The following TTLL11 variants were observed in gnomAD, a reference collection of about 807,000 sequenced individuals.
TTLL11 encodes the protein tubulin tyrosine ligase like 11.
A neutral mutation model predicts 51.7 loss-of-function variants in TTLL11; 42 were observed. The ratio of observed to expected loss-of-function variants is 0.81; its 90% CI spans 0.64 to 1.05. TTLL11 has a LOEUF of 1.05. Among genes scored for constraint, TTLL11 ranks in the 50% least tolerant of loss-of-function variants. The probability of loss-of-function intolerance (pLI) is 0.00; values close to 1 mark genes in which losing one functional copy is unlikely to be tolerated. For synonymous variants in TTLL11, 381 were observed against 383.5 expected, an observed-to-expected ratio of 0.99 and a Z score of 0.08; for missense variants, 799 against 940.4, an observed-to-expected ratio of 0.85 and a Z score of 1.97.
chr9:122,044,515 CA>C (rs746469755), intron 1 of TTLL11, among the ~76,000 whole-genome samples: 1 of 152,202 alleles, frequency 6.6e-6, no homozygotes, highest in Admixed American at 6.5e-5. Flanking sequence ...TCCTCTCTAG[CA>C]CCGGTTGTTT....
Position 121,899,378 on chromosome 9 carries a change from C to CATACAT in TTLL11, c.1482-28631_1482-28630insATGTAT, listed in dbSNP as rs768607608. Among the ~76,000 whole-genome samples the CATACAT allele has an allele frequency of 1.2e-3, 158 of 130,454 alleles. No homozygotes were observed. The Middle Eastern group carries it at 0.013, about 10-fold the overall frequency. The allele number at this position is 130,454 out of a possible 152,430, so 85.6% of individuals were successfully genotyped here. A position where few individuals can be genotyped will look rare whatever the true frequency, so the allele number is the denominator to read the frequency against. ...GTATGTGTGTGTGTATATATATATACATATATATATATATATATATATATA... is the reference window on the plus strand; with the variant it reads ...GTATGTGTGTGTGTATATATATATACATACATATATATATATATATATATATATATA... On this transcript the variant is annotated intron_variant, in intron 6 of 8. Transcript: ENST00000321582.
intron 6 of TTLL11, among the ~76,000 whole-genome samples, chr9:121,924,725 C>A (rs1283222965): frequency 1.3e-5 from 2 of 149,230 alleles, no homozygotes; most frequent in African/African-American, 2.5e-5. Context: ...CAGGCCCAGG[C>A]AATTTCTTGC....
chr9:122,077,406 A>G (rs542915245), intron 1 of TTLL11, among the ~76,000 whole-genome samples: 1 of 152,364 alleles, frequency 6.6e-6, no homozygotes, highest in Non-Finnish European at 1.5e-5. Flanking sequence ...GAATAAAGAC[A>G]GTAACCTTAG....
intron 8 of TTLL11, among the ~76,000 whole-genome samples, chr9:121,852,572 G>A (rs946160016): frequency 3.3e-5 from 5 of 152,128 alleles, no homozygotes; most frequent in African/African-American, 4.8e-5. Flanking sequence ...GGGGCCAGAC[G>A]ATGGGCAGAG....
At chr9:121,836,380 T>C (rs938211485) in intron 8 of TTLL11, among the ~76,000 whole-genome samples, 6 of 152,158 alleles carry the variant, frequency 3.9e-5, no homozygotes, top group African/African-American at 9.7e-5. Context: ...TTGCCCTTCC[T>C]GACATTGCTA....
chr9:122,047,874 G>A (rs979090167), intron 1 of TTLL11, among the ~76,000 whole-genome samples: 3 of 152,176 alleles, frequency 2.0e-5, no homozygotes, highest in African/African-American at 4.8e-5. Context: ...CTCCAGTGGG[G>A]TGTAACCAGG....
rs572455481 is a variant in TTLL11, at chr9:122,014,985, C to A, written c.693+16738G>T. 1.4e-4 allele frequency among the ~76,000 whole-genome samples: 22 copies of A among 152,314 alleles called. No individual in the cohort carries two copies. In the South Asian group the frequency reaches 4.6e-3, roughly 32 times the overall value. ...ATTGCACTAAACCACATAAGAATAT[C>A]TGAGTACACCAGCAGTTGTATAACC... On this transcript the variant is annotated intron_variant, in intron 3 of 8. Transcript: ENST00000321582.
chr9:121,823,201 A>G (rs1817477207), intron 8 of TTLL11, among the ~76,000 whole-genome samples: 1 of 152,222 alleles, frequency 6.6e-6, no homozygotes, highest in African/African-American at 2.4e-5. Flanking sequence ...TATAAGATTT[A>G]AACCTAGCTC....
chr9:122,027,070 T>C (rs1213364133), intron 3 of TTLL11, among the ~76,000 whole-genome samples: 2 of 152,188 alleles, frequency 1.3e-5, no homozygotes, highest in Non-Finnish European at 2.9e-5. Context: ...CTGCTTGGCT[T>C]CTGGGGAGGC....
chr9:121,889,627 C>T (rs534891312), intron 6 of TTLL11, among the ~76,000 whole-genome samples: 11 of 152,198 alleles, frequency 7.2e-5, no homozygotes, highest in African/African-American at 1.2e-4. Context: ...CATGGCTGGG[C>T]GCAGTGGCTC....
chr9:121,833,241 C>T (rs1837077854), intron 8 of TTLL11, among the ~76,000 whole-genome samples: 1 of 152,182 alleles, frequency 6.6e-6, no homozygotes, highest in Non-Finnish European at 1.5e-5. Context: ...ATTCCAGTTG[C>T]AGCCAGCCGC....
Position 122,092,754 on chromosome 9 carries a change from T to C in TTLL11, c.395A>G (p.Asp132Gly), listed in dbSNP as rs1846297357. The change falls in exon 1 of 9, where the codon GAC (aspartate) becomes GGC (glycine). Residue 132 changes from aspartate (D) to glycine (G), a missense_variant. Around this residue, in one of 3 missense-constraint regions of TTLL11, gnomAD observed 468 missense variants for 612.8 expected, o/e 0.76. Coordinates refer to ENST00000321582, the MANE Select transcript of TTLL11 (RefSeq NM_001139442.2). Reference sequence around the variant, plus strand: ...CAGGGAGGTCCTGGCCTTGGAGCTGTCCACGGTGACCGGCCGCTGGGAGCC... The same window carrying C: ...CAGGGAGGTCCTGGCCTTGGAGCTGCCCACGGTGACCGGCCGCTGGGAGCC... Reference protein sequence around the residue: ...ENGSQRPVTVDSSKARTSLDA... With the variant: ...ENGSQRPVTVGSSKARTSLDA... 6.5e-7 allele frequency: 1 copy of C among 1,538,364 alleles called. No homozygotes were observed. The highest frequency in any genetic ancestry group is 1.2e-5 in the South Asian group (1 of 84,202).
At chr9:121,922,718 C>T (rs1293732362) in intron 6 of TTLL11, among the ~76,000 whole-genome samples, 1 of 151,222 alleles carries the variant, frequency 6.6e-6, no homozygotes, top group Non-Finnish European at 1.5e-5. Context: ...CTAGTCATGT[C>T]CAAAAAGCTT....
At chr9:121,976,868 T>G (rs1384658390) in intron 4 of TTLL11, among the ~76,000 whole-genome samples, 2 of 152,196 alleles carry the variant, frequency 1.3e-5, no homozygotes, top group African/African-American at 4.8e-5. Flanking sequence ...TAATAATACA[T>G]GACAAGTGGA....
At chr9:122,044,187 C>T (rs1450990233) in intron 1 of TTLL11, among the ~76,000 whole-genome samples, 1 of 152,182 alleles carries the variant, frequency 6.6e-6, no homozygotes, top group Admixed American at 6.5e-5. Context: ...AGGACATGAA[C>T]TCATCCTTTT....
intron 6 of TTLL11, among the ~76,000 whole-genome samples, chr9:121,934,226 T>TC (rs1196554725): frequency 1.3e-5 from 1 of 74,566 alleles, no homozygotes; most frequent in Admixed American, 1.5e-4. Flanking sequence ...AGAGCAAAAC[T>TC]CCATCTCAAA....
chr9:121,955,910 C>A (rs1486377982), intron 6 of TTLL11, among the ~76,000 whole-genome samples: 1 of 152,184 alleles, frequency 6.6e-6, no homozygotes, highest in Non-Finnish European at 1.5e-5. Flanking sequence ...TTCAGAACCA[C>A]AGTGAAATTT....
chr9:122,048,390 C>A (rs1845074346), intron 1 of TTLL11, among the ~76,000 whole-genome samples: 1 of 152,156 alleles, frequency 6.6e-6, no homozygotes, highest in Non-Finnish European at 1.5e-5. Context: ...TGGTCTCAAA[C>A]TCCTGGCCTC....
intron 6 of TTLL11, among the ~76,000 whole-genome samples, chr9:121,941,980 C>T (rs554701717): frequency 1.3e-5 from 2 of 152,316 alleles, no homozygotes; most frequent in South Asian, 4.1e-4. Flanking sequence ...CATCACCATG[C>T]CTCCTGCAGG....
Sources: allele counts gnomAD v4.1 joint callset (sites outside exome capture counted in the v4.1 genomes callset), GRCh38; gene constraint gnomAD v4.1.1; regional missense constraint gnomAD v4.1.1; transcripts MANE v1.5; gene names NCBI Gene and HGNC (gene_info 2026-07-23, HGNC 2026-07-21).